Variants in NALF1 observed in about 807,000 individuals in gnomAD.
The protein encoded by NALF1 is family with sequence similarity 155 member A.
NALF1 carries 3 observed loss-of-function variants against 48.4 expected under a neutral mutation model. The observed-to-expected ratio is 0.06, with a 90% CI of 0.03 to 0.16. The LOEUF is 0.16. Among genes scored for constraint, NALF1 ranks in the 10% least tolerant of loss-of-function variants. NALF1 has a pLI of 1.00. For missense variants in NALF1, 526 were observed against 571.5 expected (o/e 0.92, Z 0.81); for synonymous variants, 262 against 245.7 (o/e 1.07, Z -0.62).
chr13:107,818,393 G>T (rs1257885785), intron 1 of NALF1, among the ~76,000 whole-genome samples: 1 of 152,122 alleles, frequency 6.6e-6, no homozygotes, highest in Non-Finnish European at 1.5e-5. Flanking sequence ...ACCTGGCCAG[G>T]AATTGGAGAC....
At position 107,665,540 on chromosome 13, in the gene NALF1, TG is replaced by T. The variant is rs1880836023; in HGVS notation, c.915+200141del. On this transcript the variant is annotated intron_variant, in intron 1 of 2. Transcript: ENST00000375915. The stretch of plus-strand genomic sequence containing the variant: ...AATAAATATATAGTATTTCATGGCA[TG>T]GTAATTCTACAGAAAATATATTTCC... Among the ~76,000 whole-genome samples the T allele has an allele frequency of 2.0e-5, 3 of 152,316 alleles. No individual in the cohort carries two copies. In the South Asian group the frequency reaches 6.2e-4, roughly 32 times the overall value.
intron 1 of NALF1, among the ~76,000 whole-genome samples, chr13:107,831,242 T>C (rs757598664): frequency 2.6e-5 from 4 of 152,208 alleles, no homozygotes; most frequent in Admixed American, 2.6e-4. Context: ...GAAGACGATT[T>C]GACCTCTGGA....
intron 1 of NALF1, among the ~76,000 whole-genome samples, chr13:107,271,201 T>A (rs146004904): frequency 6.6e-6 from 1 of 152,318 alleles, no homozygotes; most frequent in African/African-American, 2.4e-5. Context: ...ATCGTGCAGC[T>A]GTAGTTAAAG....
intron 1 of NALF1, among the ~76,000 whole-genome samples, chr13:107,232,983 G>T (rs9520332): frequency 0.044 from 6,730 of 152,220 alleles, 186 homozygotes; most frequent in African/African-American, 0.069. Flanking sequence ...AGTGTCAGTT[G>T]CTAGTTGCAA....
intron 1 of NALF1, among the ~76,000 whole-genome samples, chr13:107,469,262 G>A (rs1885057697): frequency 6.6e-6 from 1 of 152,056 alleles, no homozygotes; most frequent in Admixed American, 6.6e-5. Context: ...TATGACCTTT[G>A]AGAGAGAAAT....
At chr13:107,758,730 A>C (rs1383191426) in intron 1 of NALF1, among the ~76,000 whole-genome samples, 1 of 151,988 alleles carries the variant, frequency 6.6e-6, no homozygotes, top group Non-Finnish European at 1.5e-5. Context: ...AAAAAGAAAA[A>C]AATAAAAAGA....
chr13:107,357,828 T>C (rs11839628), intron 1 of NALF1, among the ~76,000 whole-genome samples: 3,889 of 152,210 alleles, frequency 0.026, 156 homozygotes, highest in African/African-American at 0.087. Flanking sequence ...GAGACGTTAG[T>C]TTAATGAATC....
chr13:107,499,178 C>A (rs144744497), intron 1 of NALF1, among the ~76,000 whole-genome samples: 1 of 151,842 alleles, frequency 6.6e-6, no homozygotes, highest in African/African-American at 2.4e-5. Context: ...AAAACACATA[C>A]CTATGATCAC....
At chr13:107,838,431 T>A (rs1879961038) in intron 1 of NALF1, among the ~76,000 whole-genome samples, 3 of 152,208 alleles carry the variant, frequency 2.0e-5, no homozygotes, top group Non-Finnish European at 2.9e-5. Context: ...CTTTTTCCTG[T>A]AATCGCTTAC....
intron 1 of NALF1, among the ~76,000 whole-genome samples, chr13:107,521,729 A>G (rs1876245464): frequency 6.6e-6 from 1 of 152,176 alleles, no homozygotes; most frequent in South Asian, 2.1e-4. Flanking sequence ...AGTGTCCCAC[A>G]GTTTAAAGTA....
At chr13:107,262,573 C>CA (rs1880949761) in intron 1 of NALF1, among the ~76,000 whole-genome samples, 1 of 152,102 alleles carries the variant, frequency 6.6e-6, no homozygotes, top group Non-Finnish European at 1.5e-5. Context: ...GTTATAGGCA[C>CA]AAAAACAATC....
At chr13:107,508,996 C>T (rs1304209693) in intron 1 of NALF1, among the ~76,000 whole-genome samples, 1 of 151,950 alleles carries the variant, frequency 6.6e-6, no homozygotes, top group Non-Finnish European at 1.5e-5. Context: ...TGATTATTTG[C>T]GAATTGTATT....
At chr13:107,670,522 T>A (rs186849378) in intron 1 of NALF1, among the ~76,000 whole-genome samples, 333 of 152,154 alleles carry the variant, frequency 2.2e-3, no homozygotes, top group Admixed American at 7.0e-3. Flanking sequence ...ATGTCCAACA[T>A]CTCTCCTGAG....
intron 1 of NALF1, among the ~76,000 whole-genome samples, chr13:107,840,076 C>T (rs933069931): frequency 6.6e-6 from 1 of 152,176 alleles, no homozygotes; most frequent in Non-Finnish European, 1.5e-5. Flanking sequence ...TGATAAAACC[C>T]TTTAGCAATG....
chr13:107,696,929 T>C (rs1474802845), intron 1 of NALF1, among the ~76,000 whole-genome samples: 2 of 152,178 alleles, frequency 1.3e-5, no homozygotes, highest in Non-Finnish European at 2.9e-5. Context: ...TATTAGAATG[T>C]TTTATTATTA....
chr13:107,712,637 G>A (rs1875638596), intron 1 of NALF1, among the ~76,000 whole-genome samples: 2 of 152,316 alleles, frequency 1.3e-5, no homozygotes, highest in South Asian at 4.1e-4. Context: ...GTTTCGGGGA[G>A]AATGACAGTC....
At chr13:107,595,236 T>G (rs74112281) in intron 1 of NALF1, among the ~76,000 whole-genome samples, 2,185 of 152,226 alleles carry the variant, frequency 0.014, 58 homozygotes, top group African/African-American at 0.05. Flanking sequence ...ATGGAAAAGT[T>G]TATCTTCTAA....
chr13:107,657,856 T>C (rs542795267), intron 1 of NALF1, among the ~76,000 whole-genome samples: 1 of 152,236 alleles, frequency 6.6e-6, no homozygotes, highest in African/African-American at 2.4e-5. Flanking sequence ...CGGTTCCGTC[T>C]GACACTTTAG....
chr13:107,525,188 G>A (rs1481542315), intron 1 of NALF1, among the ~76,000 whole-genome samples: 1 of 151,942 alleles, frequency 6.6e-6, no homozygotes, highest in East Asian at 1.9e-4. Context: ...TTAACACATG[G>A]AGATTTCTGT....
Sources: allele counts gnomAD v4.1 joint callset (sites outside exome capture counted in the v4.1 genomes callset), GRCh38; gene constraint gnomAD v4.1.1; transcripts MANE v1.5; gene names NCBI Gene and HGNC (gene_info 2026-07-23, HGNC 2026-07-21).